The following CREM variants were observed in gnomAD, a reference collection of about 807,000 sequenced individuals.
CREM encodes cAMP responsive element modulator.
A neutral mutation model predicts 37.3 loss-of-function variants in CREM; 13 were observed. That is an observed-to-expected ratio of 0.35 (90% confidence interval 0.23 to 0.55). CREM has a LOEUF of 0.55. Among genes scored for constraint, CREM ranks in the 20% least tolerant of loss-of-function variants. The probability of loss-of-function intolerance (pLI) is 0.88; values close to 1 mark genes in which losing one functional copy is unlikely to be tolerated. For missense variants in CREM, 296 were observed against 362.3 expected (o/e 0.82, Z 1.49); for synonymous variants, 124 against 120.2 (o/e 1.03, Z -0.21).
chr10:35,187,680 C>CT (rs1225874654), intron 5 of CREM, among the ~76,000 whole-genome samples: 3 of 151,730 alleles, frequency 2.0e-5, no homozygotes, highest in African/African-American at 4.8e-5. Context: ...CTTTTCTTTT[C>CT]TTTTTTTAGA....
In CREM at chr10:35,152,812, CACTT is replaced by C. The variant is rs1259832784; in HGVS notation, c.168+4324_168+4327del. ...AATACAAGTAGTTTTAAAATAGTGA[CACTT>C]ACATCCTCCGGAAATAATATTGTTT... On this transcript the variant is annotated intron_variant, in intron 3 of 7. Coordinates refer to ENST00000685392, the MANE Select transcript of CREM (RefSeq NM_183011.2). 7.9e-5 allele frequency among the ~76,000 whole-genome samples: 12 copies of C among 152,258 alleles called. No individual in the cohort carries two copies. In the East Asian group the frequency reaches 1.7e-3, roughly 22 times the overall value.
intron 1 of CREM, chr10:35,135,341 A>G (rs1454718070): frequency 6.6e-6 from 1 of 152,188 alleles, no homozygotes; most frequent in African/African-American, 2.4e-5. Flanking sequence ...GGACTTTTAA[A>G]TTATTCCTGT....
In CREM at chr10:35,179,220, G is replaced by A. The variant is rs778002421; in HGVS notation, c.353G>A (p.Ser118Asn). 51 of 1,613,910 alleles carry A rather than the reference G, an allele frequency of 3.2e-5. No individual in the cohort carries two copies. The highest frequency in any genetic ancestry group is 4.2e-5 in the Non-Finnish European group (49 of 1,179,928). ...ERSEEEGTPP[S>N]IATMAVPTSI... ...TCAGAGGAAGAAGGAACACCACCTAGTATTGCTACCATGGCAGTACCAACT... is the reference window on the plus strand; with the variant it reads ...TCAGAGGAAGAAGGAACACCACCTAATATTGCTACCATGGCAGTACCAACT... Residue 118 changes from serine to asparagine, a missense_variant, in exon 5 of 8, where the codon AGT becomes AAT. Ser to Asn is a conservative substitution (Grantham distance 46). Around this residue, in one of 2 missense-constraint regions of CREM, gnomAD observed 257 missense variants for 280.2 expected, o/e 0.92. Coordinates refer to ENST00000685392, the MANE Select transcript of CREM (RefSeq NM_183011.2).
intron 3 of CREM, among the ~76,000 whole-genome samples, chr10:35,164,279 A>G (rs1157785174): frequency 6.6e-6 from 1 of 152,240 alleles, no homozygotes; most frequent in East Asian, 1.9e-4. Context: ...TTATCCTCAT[A>G]GTGACCTTCC....
chr10:35,146,915 T>C (rs1273403266), intron 2 of CREM, among the ~76,000 whole-genome samples: 7 of 152,102 alleles, frequency 4.6e-5, no homozygotes, highest in Non-Finnish European at 8.8e-5. Flanking sequence ...ATGTTTTAAT[T>C]CAAAGATCTA....
At chr10:35,134,079 C>T (rs1249597124) in intron 1 of CREM, among the ~76,000 whole-genome samples, 25 of 147,884 alleles carry the variant, frequency 1.7e-4, no homozygotes, top group Admixed American at 1.7e-3. Context: ...TTCAAGACAG[C>T]TCTGTTGCCC....
At chr10:35,193,005 C>T (rs1197416318) in intron 6 of CREM, among the ~76,000 whole-genome samples, 1 of 152,182 alleles carries the variant, frequency 6.6e-6, no homozygotes, top group Middle Eastern at 3.2e-3. Flanking sequence ...CCAGGGCCTT[C>T]TTCACACATA....
At chr10:35,154,101 G>T (rs2092753680) in intron 3 of CREM, 3 of 398,426 alleles carry the variant, frequency 7.5e-6, no homozygotes, top group Admixed American at 4.4e-5. Flanking sequence ...AAGCAGCCCT[G>T]GCATGCCATC....
intron 3 of CREM, among the ~76,000 whole-genome samples, chr10:35,175,185 C>T (rs552153793): frequency 1.1e-4 from 16 of 152,354 alleles, no homozygotes; most frequent in South Asian, 2.1e-4. Context: ...CAGTGGCTCA[C>T]GCCTGTAATC....
chr10:35,165,425 G>A (rs920672960), intron 3 of CREM, among the ~76,000 whole-genome samples: 3 of 152,032 alleles, frequency 2.0e-5, no homozygotes, highest in Non-Finnish European at 2.9e-5. Context: ...GATTGGGAGC[G>A]GATAAGCATC....
intron 6 of CREM, among the ~76,000 whole-genome samples, chr10:35,188,659 ATTTT>A (rs34929610): frequency 7.2e-6 from 1 of 138,660 alleles, no homozygotes. Context: ...ACATGAATGA[ATTTT>A]TTTTTTTTTT....
chr10:35,197,844 C>T (rs1175909249), intron 6 of CREM, among the ~76,000 whole-genome samples: 1 of 152,126 alleles, frequency 6.6e-6, no homozygotes, highest in Non-Finnish European at 1.5e-5. Flanking sequence ...AGGAACCAGA[C>T]CTCTGGGCTC....
chr10:35,193,508 C>T (rs2095007405), intron 6 of CREM, among the ~76,000 whole-genome samples: 1 of 152,148 alleles, frequency 6.6e-6, no homozygotes, highest in Non-Finnish European at 1.5e-5. Context: ...CCCAAACCCT[C>T]AGGTGTGACT....
At chr10:35,161,992 T>G (rs1475619555) in intron 3 of CREM, among the ~76,000 whole-genome samples, 1 of 152,190 alleles carries the variant, frequency 6.6e-6, no homozygotes, top group Non-Finnish European at 1.5e-5. Context: ...ATTGCAGCAC[T>G]ATGCATAATG....
At chr10:35,154,114 G>C in intron 3 of CREM, 1 of 398,528 alleles carries the variant, frequency 2.5e-6, no homozygotes, top group Non-Finnish European at 4.4e-6. Flanking sequence ...ATGCCATCGG[G>C]GATTGAAGTA....
At chr10:35,172,738 G>A (rs1021746703) in intron 3 of CREM, among the ~76,000 whole-genome samples, 2 of 152,152 alleles carry the variant, frequency 1.3e-5, no homozygotes, top group African/African-American at 4.8e-5. Flanking sequence ...ACGACCCATG[G>A]TGTTCTTAAG....
At chr10:35,158,806 T>TG (rs1454141438) in intron 3 of CREM, among the ~76,000 whole-genome samples, 1 of 100,456 alleles carries the variant, frequency 1.0e-5, no homozygotes, top group Non-Finnish European at 2.3e-5. Context: ...GTGTTTTTTT[T>TG]TTGTTGTTTT....
chr10:35,153,744 A>G (rs2092730467), intron 3 of CREM, among the ~76,000 whole-genome samples: 1 of 152,238 alleles, frequency 6.6e-6, no homozygotes, highest in Non-Finnish European at 1.5e-5. Flanking sequence ...CAGCAAAGAT[A>G]GAAGGGAAAG....
intron 3 of CREM, among the ~76,000 whole-genome samples, chr10:35,162,751 TCAGA>T (rs2093358721): frequency 2.6e-5 from 4 of 152,134 alleles, no homozygotes; most frequent in Admixed American, 2.6e-4. Context: ...CCTGGACTTC[TCAGA>T]GGCCACAGTA....
Sources: allele counts gnomAD v4.1 joint callset (sites outside exome capture counted in the v4.1 genomes callset), GRCh38; gene constraint gnomAD v4.1.1; regional missense constraint gnomAD v4.1.1; transcripts MANE v1.5; gene names NCBI Gene and HGNC (gene_info 2026-07-23, HGNC 2026-07-21).